SHISA9: variants seen among roughly 807,000 people sequenced by gnomAD.
SHISA9 encodes the protein protein shisa-9.
In SHISA9, 13 loss-of-function variants were observed where a neutral mutation model predicts 38.0. The ratio of observed to expected loss-of-function variants is 0.34; its 90% confidence interval spans 0.22 to 0.54. The LOEUF (loss-of-function observed/expected upper bound fraction) is 0.54. SHISA9 is among the 20% of genes least tolerant of loss of function. The pLI is 0.91. For synonymous variants in SHISA9, 275 were observed against 242.0 expected, an observed-to-expected ratio of 1.14 and a Z score of -1.27; for missense variants, 538 against 575.8, an observed-to-expected ratio of 0.93 and a Z score of 0.67.
At chr16:13,486,534 C>T in the SHISA9 span, among the ~76,000 whole-genome samples, 22 of 152,196 alleles carry the variant, frequency 1.4e-4, no homozygotes. Context: ...CTCGCCAACA[C>T]ATTTTTACTC....
intron 1 of SHISA9, among the ~76,000 whole-genome samples, chr16:12,914,561 C>T (rs1410701095): frequency 6.6e-6 from 1 of 151,982 alleles, no homozygotes; most frequent in Non-Finnish European, 1.5e-5. Context: ...CAGTCTTTTC[C>T]TCTCATTCAT....
At chr16:13,210,255 A>G (rs1421428227) in intron 3 of SHISA9, among the ~76,000 whole-genome samples, 1 of 152,132 alleles carries the variant, frequency 6.6e-6, no homozygotes, top group African/African-American at 2.4e-5. Context: ...TTTATCTTTC[A>G]TTAGCCCCTT....
chr16:13,041,963 A>T (rs1416889364), intron 2 of SHISA9, among the ~76,000 whole-genome samples: 5 of 152,228 alleles, frequency 3.3e-5, no homozygotes, highest in African/African-American at 1.2e-4. Context: ...CTCTTGCCTA[A>T]TACCCGGCTT....
chr16:13,163,111 C>T (rs2050609533), intron 2 of SHISA9, among the ~76,000 whole-genome samples: 1 of 152,156 alleles, frequency 6.6e-6, no homozygotes, highest in Admixed American at 6.5e-5. Context: ...GGACAAGTCA[C>T]TTAGCTTACC....
At chr16:13,088,979 C>T (rs935771806) in intron 2 of SHISA9, among the ~76,000 whole-genome samples, 5 of 152,118 alleles carry the variant, frequency 3.3e-5, no homozygotes, top group African/African-American at 7.2e-5. Context: ...TTTTGAGATA[C>T]GTTCCATCAG....
the SHISA9 span, among the ~76,000 whole-genome samples, chr16:13,370,271 C>A: frequency 4.6e-5 from 7 of 152,230 alleles, no homozygotes; most frequent in Admixed American, 4.6e-4. Flanking sequence ...ACCTTTTCTG[C>A]TCAGATACAA....
the SHISA9 span, among the ~76,000 whole-genome samples, chr16:13,383,170 T>G: frequency 1.3e-5 from 2 of 151,870 alleles, no homozygotes; most frequent in South Asian, 4.2e-4. Flanking sequence ...AGAAAGAAGG[T>G]GGTGGGAGAT....
At chr16:13,477,992 T>C in the SHISA9 span, among the ~76,000 whole-genome samples, 1 of 152,138 alleles carries the variant, frequency 6.6e-6, no homozygotes, top group African/African-American at 2.4e-5. Context: ...AACAAAAGAC[T>C]AGACTGTGTT....
the SHISA9 span, among the ~76,000 whole-genome samples, chr16:13,530,359 G>A: frequency 6.6e-6 from 1 of 152,084 alleles, no homozygotes; most frequent in Non-Finnish European, 1.5e-5. Context: ...TCCTTAGGGA[G>A]ATTACTTGAT....
chr16:13,267,536 A>G, the SHISA9 span, among the ~76,000 whole-genome samples: 5 of 152,170 alleles, frequency 3.3e-5, no homozygotes, highest in African/African-American at 1.2e-4. Flanking sequence ...CAACAATTCT[A>G]CCTCCAAGAC....
At chr16:13,387,138 T>C in the SHISA9 span, among the ~76,000 whole-genome samples, 12 of 152,242 alleles carry the variant, frequency 7.9e-5, no homozygotes, top group Admixed American at 7.9e-4. Flanking sequence ...TACATTTACA[T>C]AGAATTTGCA....
chr16:13,508,133 T>C, the SHISA9 span, among the ~76,000 whole-genome samples: 5 of 152,186 alleles, frequency 3.3e-5, no homozygotes, highest in Non-Finnish European at 7.3e-5. Flanking sequence ...TTCTGTAATA[T>C]GGGAATAAAA....
chr16:13,433,593 C>A, the SHISA9 span, among the ~76,000 whole-genome samples: 2 of 152,128 alleles, frequency 1.3e-5, no homozygotes, highest in African/African-American at 2.4e-5. Flanking sequence ...CAAATCTCAA[C>A]CTGCCTCTAA....
At chr16:13,038,078 C>T (rs1328135245) in intron 2 of SHISA9, among the ~76,000 whole-genome samples, 2 of 152,182 alleles carry the variant, frequency 1.3e-5, no homozygotes, top group Non-Finnish European at 1.5e-5. Flanking sequence ...GCACCTCCGC[C>T]TCCCGAGTTC....
At chr16:13,392,239 G>T in the SHISA9 span, among the ~76,000 whole-genome samples, 11 of 152,158 alleles carry the variant, frequency 7.2e-5, no homozygotes, top group African/African-American at 2.7e-4. Flanking sequence ...TTTGGAAATA[G>T]ACTCTTTGGA....
the SHISA9 span, among the ~76,000 whole-genome samples, chr16:13,432,061 G>A: frequency 5.9e-5 from 9 of 152,034 alleles, no homozygotes; most frequent in African/African-American, 1.4e-4. Context: ...ACTTCATTTC[G>A]AAACAAACAA....
At chr16:12,971,170 A>C (rs2072076897) in intron 2 of SHISA9, among the ~76,000 whole-genome samples, 1 of 152,190 alleles carries the variant, frequency 6.6e-6, no homozygotes, top group Non-Finnish European at 1.5e-5. Context: ...TTCAAGACTA[A>C]AACTTCGGGG....
In SHISA9 at chr16:13,064,929, G is replaced by A. The variant is rs371492930; in HGVS notation, c.692-138465G>A. 2.5e-4 allele frequency among the ~76,000 whole-genome samples: 38 copies of A among 152,286 alleles called. No homozygotes were observed. The South Asian group carries it at 7.5e-3, about 30-fold the overall frequency. ...GGGAGGGGCAGCCTCACTGAGGTGT[G>A]ACATTTGAGCTGAGACCTGATGGAT... On this transcript the variant is annotated intron_variant, in intron 2 of 4. Transcript: ENST00000558583.
rs185499949 is a variant in SHISA9, at chr16:12,951,175, C to T, written c.691+34360C>T. Among the ~76,000 whole-genome samples the T allele has an allele frequency of 8.2e-4, 99 of 120,412 alleles. 1 individual carries two copies. Among genetic ancestry groups the T allele is most frequent in the South Asian group, 1.7e-3 (6 of 3,622 alleles). The allele number at this position is 120,412 out of a possible 152,430, so 79.0% of individuals were successfully genotyped here. A position where few individuals can be genotyped will look rare whatever the true frequency, so the allele number is the denominator to read the frequency against. On this transcript the variant is annotated intron_variant, in intron 2 of 4. Transcript: ENST00000558583. ...GGTGGAGGTTGCAGTGAGCCAAGAT[C>T]GCACCACGGCACTCCAACCTGGGTG...
Sources: allele counts gnomAD v4.1 joint callset (sites outside exome capture counted in the v4.1 genomes callset), GRCh38; gene constraint gnomAD v4.1.1; transcripts MANE v1.5; gene names NCBI Gene and HGNC (gene_info 2026-07-23, HGNC 2026-07-21).